PLA2G4A: variants seen among roughly 807,000 people sequenced by gnomAD.
PLA2G4A encodes the protein cytosolic phospholipase A2.
In PLA2G4A, 40 loss-of-function variants were observed where a neutral mutation model predicts 81.9. The observed-to-expected ratio is 0.49, with a 90% CI of 0.38 to 0.64. PLA2G4A has a LOEUF of 0.64. PLA2G4A is among the 30% of genes least tolerant of loss of function. The probability of loss-of-function intolerance (pLI) is 0.00; values close to 1 mark genes in which losing one functional copy is unlikely to be tolerated. For missense variants in PLA2G4A, 715 were observed against 905.1 expected (o/e 0.79, Z 2.69); for synonymous variants, 302 against 296.9 (o/e 1.02, Z -0.18).
At chr1:186,931,372 A>T (rs905266315) in intron 7 of PLA2G4A, among the ~76,000 whole-genome samples, 3 of 152,084 alleles carry the variant, frequency 2.0e-5, no homozygotes, top group African/African-American at 7.2e-5. Context: ...TTTGATGCCT[A>T]GTGTTTTTTG....
At chr1:186,925,364 G>A (rs1028166450) in intron 7 of PLA2G4A, among the ~76,000 whole-genome samples, 1 of 152,200 alleles carries the variant, frequency 6.6e-6, no homozygotes, top group Non-Finnish European at 1.5e-5. Context: ...CAGAGTGAAT[G>A]TTTCAAAACA....
chr1:186,986,718 C>T (rs1394447892), intron 17 of PLA2G4A, among the ~76,000 whole-genome samples: 2 of 152,182 alleles, frequency 1.3e-5, no homozygotes, highest in African/African-American at 2.4e-5. Flanking sequence ...TAGAAATGAT[C>T]TCCAATCCCC....
intron 1 of PLA2G4A, among the ~76,000 whole-genome samples, chr1:186,847,354 A>T (rs1207864498): frequency 9.0e-6 from 1 of 111,218 alleles, no homozygotes; most frequent in Non-Finnish European, 1.8e-5. Flanking sequence ...CTATTATTTC[A>T]TACGTGTGTG....
chr1:186,862,382 T>C (rs965809803), intron 2 of PLA2G4A, among the ~76,000 whole-genome samples: 1 of 151,942 alleles, frequency 6.6e-6, no homozygotes, highest in African/African-American at 2.4e-5. Context: ...GCTCAGCTAC[T>C]TTTTTGTATT....
At chr1:186,965,359 C>G (rs781040593) in intron 14 of PLA2G4A, 50 bp from the exon 15 acceptor site, 1 of 1,298,802 alleles carries the variant, frequency 7.7e-7, no homozygotes, top group South Asian at 1.2e-5. Flanking sequence ...ATGATAAATA[C>G]TGATGAATGA....
At chr1:186,862,838 T>C (rs1652863684) in intron 2 of PLA2G4A, among the ~76,000 whole-genome samples, 1 of 152,142 alleles carries the variant, frequency 6.6e-6, no homozygotes, top group African/African-American at 2.4e-5. Context: ...TCTAGAAAGG[T>C]GAAGGTGCAC....
intron 5 of PLA2G4A, among the ~76,000 whole-genome samples, chr1:186,902,537 C>CT (rs1378301109): frequency 6.6e-6 from 1 of 152,130 alleles, no homozygotes; most frequent in African/African-American, 2.4e-5. Context: ...CACTTCACCA[C>CT]TATTTTGTTT....
intron 1 of PLA2G4A, among the ~76,000 whole-genome samples, chr1:186,833,454 G>C (rs75079601): frequency 0.076 from 11,502 of 152,100 alleles, 1,205 homozygotes; most frequent in African/African-American, 0.24. Context: ...AACCAATTTA[G>C]AGAAAATGAA....
intron 15 of PLA2G4A, among the ~76,000 whole-genome samples, chr1:186,975,566 A>G (rs1177354902): frequency 2.0e-5 from 3 of 152,220 alleles, no homozygotes; most frequent in African/African-American, 7.2e-5. Flanking sequence ...GAGAAAGGCG[A>G]TGGTATTAGC....
intron 3 of PLA2G4A, among the ~76,000 whole-genome samples, chr1:186,876,444 T>C (rs1313673178): frequency 6.6e-6 from 1 of 152,072 alleles, no homozygotes; most frequent in African/African-American, 2.4e-5. Flanking sequence ...TTAATTTTGA[T>C]TGTGAGCCCT....
chr1:186,868,431 G>A (rs1434337711), intron 2 of PLA2G4A, among the ~76,000 whole-genome samples: 1 of 152,230 alleles, frequency 6.6e-6, no homozygotes, highest in East Asian at 1.9e-4. Flanking sequence ...ATATTTTGAT[G>A]AGAACTTTGG....
chr1:186,895,905 G>A (rs1337663514), intron 5 of PLA2G4A, among the ~76,000 whole-genome samples: 2 of 151,996 alleles, frequency 1.3e-5, no homozygotes, highest in Non-Finnish European at 2.9e-5. Context: ...TTAATCATCT[G>A]TAAAATGGAA....
intron 2 of PLA2G4A, among the ~76,000 whole-genome samples, chr1:186,864,528 G>C (rs1323615553): frequency 6.6e-6 from 1 of 151,784 alleles, no homozygotes; most frequent in Non-Finnish European, 1.5e-5. Context: ...TCGTGGTTTT[G>C]ATTTGCATTT....
At chr1:186,942,855 T>C (rs10911963) in intron 10 of PLA2G4A, among the ~76,000 whole-genome samples, 46,446 of 152,058 alleles carry the variant, frequency 0.31, 9,631 homozygotes, top group African/African-American at 0.58. Flanking sequence ...ATCATTAACC[T>C]TCATTGTTAA....
intron 1 of PLA2G4A, among the ~76,000 whole-genome samples, chr1:186,842,477 C>T (rs147543209): frequency 1.9e-4 from 29 of 152,264 alleles, no homozygotes; most frequent in African/African-American, 6.7e-4. Context: ...AAACCTGTTA[C>T]GGGCTGAAAT....
In PLA2G4A at chr1:186,937,603, C is replaced by T. The variant is rs1655999345; in HGVS notation, c.696-1405C>T. On this transcript the variant is annotated intron_variant, in intron 8 of 17. Transcript: ENST00000367466. ...ATGTGATCCATTGTGGGTCTGTTAC[C>T]CTCCATTTATTAACTGATTATTATT... 2.0e-5 allele frequency among the ~76,000 whole-genome samples: 3 copies of T among 150,938 alleles called. No individual in the cohort carries two copies. The South Asian group carries it at 6.3e-4, about 31-fold the overall frequency.
chr1:186,883,393 A>T (rs1226716663), intron 3 of PLA2G4A, among the ~76,000 whole-genome samples: 1 of 152,104 alleles, frequency 6.6e-6, no homozygotes, highest in Non-Finnish European at 1.5e-5. Flanking sequence ...TGCCATTTAA[A>T]CCTTGAAGAT....
chr1:186,977,388 G>A (rs1657571049), intron 15 of PLA2G4A, among the ~76,000 whole-genome samples: 2 of 152,102 alleles, frequency 1.3e-5, no homozygotes, highest in South Asian at 4.1e-4. Flanking sequence ...CTAGCCTTGT[G>A]CCAAGAATTA....
At chr1:186,842,904 G>A (rs1452608217) in intron 1 of PLA2G4A, among the ~76,000 whole-genome samples, 4 of 152,146 alleles carry the variant, frequency 2.6e-5, no homozygotes, top group African/African-American at 7.2e-5. Flanking sequence ...GCTAAGACTC[G>A]AATAACTCTA....
Sources: gnomAD v4.1 joint callset for allele counts (sites outside exome capture counted in the v4.1 genomes callset) on GRCh38, gnomAD v4.1.1 for gene constraint, MANE v1.5 for transcripts, NCBI Gene and HGNC (gene_info 2026-07-23, HGNC 2026-07-21) for gene names.